Variants in SLC36A1 observed in about 807,000 individuals in gnomAD.
SLC36A1 encodes solute carrier family 36 member 1, also known as proton-coupled amino acid transporter 1.
A neutral mutation model predicts 47.5 loss-of-function variants in SLC36A1; 30 were observed. The ratio of observed to expected loss-of-function variants is 0.63; its 90% CI spans 0.47 to 0.86. The LOEUF (loss-of-function observed/expected upper bound fraction) is 0.86, where lower values mean the gene tolerates loss of function less well. SLC36A1 is among the 40% of genes least tolerant of loss of function. The pLI, the probability that SLC36A1 is intolerant of heterozygous loss-of-function variation, is 0.00. For synonymous variants in SLC36A1, 255 were observed against 249.7 expected (o/e 1.02, Z -0.20); for missense variants, 517 against 606.0 (o/e 0.85, Z 1.54).
At chr5:151,370,508 A>C in the SLC36A1 span, among the ~76,000 whole-genome samples, 1 of 152,142 alleles carries the variant, frequency 6.6e-6, no homozygotes, top group African/African-American at 2.4e-5. Context: ...CCACTTCCTC[A>C]TATCCACCTT....
the SLC36A1 span, among the ~76,000 whole-genome samples, chr5:151,415,258 C>A: frequency 1.3e-5 from 2 of 152,100 alleles, no homozygotes; most frequent in African/African-American, 2.4e-5. Flanking sequence ...ATATTATGTC[C>A]TTCTTATGCT....
the SLC36A1 span, among the ~76,000 whole-genome samples, chr5:151,540,226 G>T: frequency 2.6e-5 from 4 of 152,198 alleles, no homozygotes; most frequent in African/African-American, 9.7e-5. Context: ...CCCTATGGGG[G>T]CCAAGGAATT....
At chr5:151,414,197 G>A in the SLC36A1 span, among the ~76,000 whole-genome samples, 35,196 of 149,818 alleles carry the variant, frequency 0.23, 4,353 homozygotes, top group African/African-American at 0.32. Context: ...TAGTGATTCC[G>A]CTGTGTGACT....
the SLC36A1 span, among the ~76,000 whole-genome samples, chr5:151,523,029 CCTT>C: frequency 1.3e-5 from 2 of 152,136 alleles, no homozygotes; most frequent in African/African-American, 2.4e-5. Context: ...GACAGGCTTG[CCTT>C]CTTCTCCTCA....
At chr5:151,409,625 G>A in the SLC36A1 span, among the ~76,000 whole-genome samples, 2 of 152,278 alleles carry the variant, frequency 1.3e-5, no homozygotes, top group South Asian at 2.1e-4. Flanking sequence ...TGTCAGGAAT[G>A]CAGAATCTCA....
At chr5:151,397,648 C>G in the SLC36A1 span, among the ~76,000 whole-genome samples, 1 of 151,124 alleles carries the variant, frequency 6.6e-6, no homozygotes, top group African/African-American at 2.4e-5. Context: ...CCTGTAGTCC[C>G]AGCTACTGGG....
the SLC36A1 span, chr5:151,347,712 G>A: frequency 1.1e-5 from 6 of 526,198 alleles, no homozygotes; most frequent in South Asian, 4.2e-5. Flanking sequence ...TCACCCATTC[G>A]TATTGGTATT....
chr5:151,400,323 G>T, the SLC36A1 span, among the ~76,000 whole-genome samples: 1 of 152,186 alleles, frequency 6.6e-6, no homozygotes, highest in African/African-American at 2.4e-5. Flanking sequence ...CCATGTTGCT[G>T]CAAAGAATAT....
At chr5:151,391,420 C>T in the SLC36A1 span, among the ~76,000 whole-genome samples, 1 of 152,114 alleles carries the variant, frequency 6.6e-6, no homozygotes, top group Non-Finnish European at 1.5e-5. Context: ...TTGCCCTGGC[C>T]AGAACTTCCA....
At chr5:151,351,081 A>G in the SLC36A1 span, among the ~76,000 whole-genome samples, 1 of 152,328 alleles carries the variant, frequency 6.6e-6, no homozygotes, top group Admixed American at 6.5e-5. Flanking sequence ...TGAGGATTAC[A>G]TGAGAAAATA....
chr5:151,519,069 C>G, the SLC36A1 span, among the ~76,000 whole-genome samples: 1 of 152,218 alleles, frequency 6.6e-6, no homozygotes, highest in Non-Finnish European at 1.5e-5. Context: ...TCCAGCTGGA[C>G]GCAGTGGCTC....
At chr5:151,546,457 G>A in the SLC36A1 span, 2 of 652,474 alleles carry the variant, frequency 3.1e-6, no homozygotes, top group Non-Finnish European at 5.3e-6. Context: ...TGCATATAGT[G>A]TATACCCACC....
chr5:151,512,361 C>G, the SLC36A1 span: 5 of 1,614,096 alleles, frequency 3.1e-6, no homozygotes, highest in African/African-American at 6.7e-5. The surrounding 1 kb of genome is among the most constrained non-coding windows in gnomAD (Gnocchi z 4.1). Flanking sequence ...GGGAGACATT[C>G]GAGGAAGAAT....
At chr5:151,410,155 C>T in the SLC36A1 span, among the ~76,000 whole-genome samples, 6 of 152,100 alleles carry the variant, frequency 3.9e-5, no homozygotes, top group Admixed American at 3.9e-4. Context: ...TAACTTGGCT[C>T]CAGAGTTACC....
chr5:151,535,668 G>A, the SLC36A1 span, among the ~76,000 whole-genome samples: 25 of 152,298 alleles, frequency 1.6e-4, no homozygotes, highest in Admixed American at 1.4e-3. Context: ...AGAAGGAGTC[G>A]TGGGAGCCCC....
At chr5:151,417,344 C>T in the SLC36A1 span, among the ~76,000 whole-genome samples, 3 of 152,160 alleles carry the variant, frequency 2.0e-5, no homozygotes, top group Non-Finnish European at 2.9e-5. Context: ...ACGATGAAGT[C>T]CAGGCTGAGG....
chr5:151,468,254 A>T, intron 7 of SLC36A1, among the ~76,000 whole-genome samples: 1 of 74,580 alleles, frequency 1.3e-5, no homozygotes. Context: ...TCTGTCTCAA[A>T]AAAAAAAAAA....
chr5:151,382,291 C>A, the SLC36A1 span: 5 of 1,241,146 alleles, frequency 4.0e-6, no homozygotes, highest in Non-Finnish European at 4.7e-6. Context: ...TTTGAGAGTG[C>A]CCTCAACCTG....
the SLC36A1 span, chr5:151,543,598 C>T: frequency 6.2e-6 from 10 of 1,614,218 alleles, no homozygotes; most frequent in Admixed American, 1.7e-4. Context: ...ATAGGGACCA[C>T]TATCTTTGTC....
Sources: allele counts gnomAD v4.1 joint callset (sites outside exome capture counted in the v4.1 genomes callset), GRCh38; gene constraint gnomAD v4.1.1; non-coding constraint Gnocchi (gnomAD v3.1); transcripts MANE v1.5; gene names NCBI Gene and HGNC (gene_info 2026-07-23, HGNC 2026-07-21).